Variants in CLYBL observed in about 807,000 individuals in gnomAD.
CLYBL encodes the protein citramalyl-CoA lyase.
Under a neutral mutation model 38.9 loss-of-function variants are expected in CLYBL, and 31 were observed. The observed-to-expected ratio is 0.80, with a 90% CI of 0.60 to 1.08. CLYBL has a LOEUF of 1.08. Among genes scored for constraint, CLYBL ranks in the 50% least tolerant of loss-of-function variants. The probability of loss-of-function intolerance (pLI) is 0.00; values close to 1 mark genes in which losing one functional copy is unlikely to be tolerated. For missense variants in CLYBL, 434 were observed against 411.6 expected, an observed-to-expected ratio of 1.05 and a Z score of -0.47; for synonymous variants, 171 against 158.6, an observed-to-expected ratio of 1.08 and a Z score of -0.59.
chr13:99,713,151 C>T (rs543386227), intron 1 of CLYBL, among the ~76,000 whole-genome samples: 32 of 151,934 alleles, frequency 2.1e-4, no homozygotes, highest in African/African-American at 5.8e-4. Flanking sequence ...ATTTTTTTCT[C>T]TCTTGAAAAT....
chr13:99,746,355 ATTTTTTTT>A (rs34410635), intron 1 of CLYBL, among the ~76,000 whole-genome samples: 1 of 144,480 alleles, frequency 6.9e-6, no homozygotes, highest in African/African-American at 2.6e-5. Context: ...TTTAAATACT[ATTTTTTTT>A]TTTTTTTTTT....
At chr13:99,758,927 C>G (rs1183535173) in intron 1 of CLYBL, among the ~76,000 whole-genome samples, 1 of 152,198 alleles carries the variant, frequency 6.6e-6, no homozygotes, top group East Asian at 1.9e-4. Flanking sequence ...GTGCTTAGCA[C>G]AGTGCAGCTC....
chr13:99,711,714 T>C (rs574264791), intron 1 of CLYBL, among the ~76,000 whole-genome samples: 151 of 149,068 alleles, frequency 1.0e-3, no homozygotes, highest in Middle Eastern at 7.1e-3. Context: ...CTTTTTTTAT[T>C]TTTTATTTTT....
At chr13:99,893,955 C>CT (rs1187042475), downstream of CLYBL, 1 of 152,468 alleles carries the variant, frequency 6.6e-6, no homozygotes, top group Non-Finnish European at 1.5e-5. Context: ...CCCAAATGTC[C>CT]AGTTCATTAT....
chr13:99,824,633 GC>G (rs969178659), intron 2 of CLYBL, among the ~76,000 whole-genome samples: 1 of 151,964 alleles, frequency 6.6e-6, no homozygotes, highest in Non-Finnish European at 1.5e-5. Flanking sequence ...ACTCACACGA[GC>G]ACACACCCCT....
At chr13:99,909,408 T>C (rs2052728302) in exon 10 of CLYBL, among the ~76,000 whole-genome samples, 6 of 152,206 alleles carry the variant, frequency 3.9e-5, no homozygotes, top group Admixed American at 3.3e-4. Flanking sequence ...AAATGTAAAA[T>C]ACATGAAACA....
At chr13:99,897,659 A>G (rs1566372157), downstream of CLYBL, among the ~76,000 whole-genome samples, 1 of 152,030 alleles carries the variant, frequency 6.6e-6, no homozygotes, top group East Asian at 1.9e-4. Context: ...ACATATAGAA[A>G]ACTGGGTCGG....
At chr13:99,864,572 G>A (rs2139223537) in intron 4 of CLYBL, among the ~76,000 whole-genome samples, 1 of 152,244 alleles carries the variant, frequency 6.6e-6, no homozygotes, top group Admixed American at 6.5e-5. Context: ...AAAATGAGAT[G>A]AACTACAATT....
chr13:99,699,926 A>G (rs2048038769), intron 1 of CLYBL, among the ~76,000 whole-genome samples: 1 of 152,056 alleles, frequency 6.6e-6, no homozygotes, highest in Non-Finnish European at 1.5e-5. Context: ...ACGGAGGCGG[A>G]GCTTGCAGTG....
At chr13:99,855,101 C>T (rs1473480850) in intron 2 of CLYBL, among the ~76,000 whole-genome samples, 4 of 152,150 alleles carry the variant, frequency 2.6e-5, no homozygotes, top group Non-Finnish European at 4.4e-5. Flanking sequence ...CTTCGAAGTT[C>T]TAATGTAACT....
chr13:99,870,810 TAAA>T (rs34021200), intron 6 of CLYBL, 125 bp from the exon 7 acceptor site: 1 of 899,782 alleles, frequency 1.1e-6, no homozygotes. Flanking sequence ...GTTTACTCAA[TAAA>T]AAGTTTTAAA....
intron 7 of CLYBL, among the ~76,000 whole-genome samples, chr13:99,879,089 G>A (rs113369793): frequency 6.6e-6 from 1 of 152,004 alleles, no homozygotes; most frequent in Non-Finnish European, 1.5e-5. Flanking sequence ...CAGCCGCCTC[G>A]ACCTTTCCTG....
intron 1 of CLYBL, among the ~76,000 whole-genome samples, chr13:99,701,654 ACTT>A (rs918057173): frequency 5.3e-5 from 8 of 151,314 alleles, no homozygotes; most frequent in African/African-American, 1.9e-4. Context: ...CTTGAGTATC[ACTT>A]CTTATTTATT....
chr13:99,773,587 A>C (rs1017834257), intron 2 of CLYBL, among the ~76,000 whole-genome samples: 2 of 152,132 alleles, frequency 1.3e-5, no homozygotes, highest in Non-Finnish European at 2.9e-5. Context: ...ATCCGAAACC[A>C]TTGCGCCGCC....
intron 2 of CLYBL, among the ~76,000 whole-genome samples, chr13:99,808,696 G>A (rs540892042): frequency 6.6e-6 from 1 of 152,282 alleles, no homozygotes; most frequent in East Asian, 1.9e-4. Context: ...AATCAATTTT[G>A]TTTATAAATA....
chr13:99,759,178 A>G (rs2049119841), intron 1 of CLYBL, among the ~76,000 whole-genome samples: 1 of 152,258 alleles, frequency 6.6e-6, no homozygotes, highest in Non-Finnish European at 1.5e-5. Context: ...CTAAGTGCTC[A>G]CTGAATGAAT....
intron 2 of CLYBL, among the ~76,000 whole-genome samples, chr13:99,850,470 C>G (rs570362310): frequency 6.6e-6 from 1 of 152,282 alleles, no homozygotes; most frequent in South Asian, 2.1e-4. Flanking sequence ...GCACATCACA[C>G]CACTAGGATG....
chr13:99,886,389 T>C (rs2052350613), intron 7 of CLYBL, among the ~76,000 whole-genome samples: 1 of 152,264 alleles, frequency 6.6e-6, no homozygotes, highest in Non-Finnish European at 1.5e-5. Flanking sequence ...CATCAAATTG[T>C]AAGTCAGATT....
intron 1 of CLYBL, among the ~76,000 whole-genome samples, chr13:99,694,783 T>C (rs74112540): frequency 0.02 from 2,977 of 152,290 alleles, 78 homozygotes; most frequent in African/African-American, 0.068. Context: ...TGGACATCGG[T>C]GCTTTCCCCA....
Sources: allele counts gnomAD v4.1 joint callset (sites outside exome capture counted in the v4.1 genomes callset), GRCh38; gene constraint gnomAD v4.1.1; transcripts MANE v1.5; gene names NCBI Gene and HGNC (gene_info 2026-07-23, HGNC 2026-07-21).